Variants in HADHA observed in about 807,000 individuals in gnomAD.
HADHA encodes hydroxyacyl-CoA dehydrogenase trifunctional multienzyme complex subunit alpha.
HADHA carries 59 observed loss-of-function variants against 91.3 expected under a neutral mutation model. The observed-to-expected ratio is 0.65, with a 90% CI of 0.52 to 0.80. The LOEUF (loss-of-function observed/expected upper bound fraction) is 0.80. Ranked by LOEUF, HADHA falls within the 30% of genes least tolerant of loss-of-function variation. The pLI is 0.00. For synonymous variants in HADHA, 320 were observed against 338.9 expected (o/e 0.94, Z 0.61); for missense variants, 800 against 927.6 (o/e 0.86, Z 1.79).
At chr2:26,194,277 C>T (rs1669596764) in intron 16 of HADHA, among the ~76,000 whole-genome samples, 1 of 152,146 alleles carries the variant, frequency 6.6e-6, no homozygotes, top group South Asian at 2.1e-4. Flanking sequence ...TCTGGATGGT[C>T]CCTGCCTCAG....
Position 26,201,257 on chromosome 2 carries a change from G to C in HADHA, c.1284C>G (p.Asn428Lys). 3 of 1,611,950 alleles carry C rather than the reference G, an allele frequency of 1.9e-6. No individual in the cohort carries two copies. The highest frequency in any genetic ancestry group is 1.7e-6 in the Non-Finnish European group (2 of 1,178,000). The change falls in exon 13 of 20, where the codon AAC becomes AAG. Residue 428 changes from asparagine (N) to lysine (K), a missense_variant. Transcript: ENST00000380649. ...CTTGGTAATCAAGCTGCCCAGTCAAGTTGCTGAAGATGGAATCCCTTTCAA... is the reference window on the plus strand; with the variant it reads ...CTTGGTAATCAAGCTGCCCAGTCAACTTGCTGAAGATGGAATCCCTTTCAA... ...TSFERDSIFSNLTGQLDYQGF... is the reference protein window; with the variant it reads ...TSFERDSIFSKLTGQLDYQGF...
At chr2:26,212,829 A>G (rs907474211) in intron 9 of HADHA, among the ~76,000 whole-genome samples, 8 of 152,222 alleles carry the variant, frequency 5.3e-5, no homozygotes, top group Non-Finnish European at 1.2e-4. Context: ...TAAATCTAGC[A>G]TAACATGGCC....
In HADHA at chr2:26,191,213, G is replaced by C. The variant is rs188331111; in HGVS notation, c.*37C>G. ...GGAGAACCAGCACTGCCGGCAGCTG[G>C]GGTTAGTGCACTGACTGAGCGAGGC... On this transcript the variant is annotated 3_prime_UTR_variant, in exon 20 of 20. Coordinates refer to ENST00000380649, the MANE Select transcript of HADHA (RefSeq NM_000182.5). 33 of 1,602,872 alleles carry C rather than the reference G, an allele frequency of 2.1e-5. No individual in the cohort carries two copies. In the African/African-American group the frequency reaches 3.6e-4, roughly 18 times the overall value.
In HADHA at chr2:26,229,348, G is replaced by GCACACACACGCACACACA. The variant is rs1670560703; in HGVS notation, c.676+843_676+844insTGTGTGTGCGTGTGTGTG. ...GTGAGACCCCAACATGTGTGCGCGC[G>GCACACACACGCACACACA]CACACACACACACACACACACACAC... On this transcript the variant is annotated intron_variant, in intron 7 of 19. Coordinates refer to ENST00000380649, the MANE Select transcript of HADHA (RefSeq NM_000182.5). This position sits in a 1 kb window ranked among gnomAD's most constrained non-coding sequence, Gnocchi z 4.3. Among the ~76,000 whole-genome samples, 1 of 147,520 alleles carries GCACACACACGCACACACA rather than the reference G, an allele frequency of 6.8e-6. No individual in the cohort carries two copies. The highest frequency in any genetic ancestry group is 1.5e-5 in the Non-Finnish European group (1 of 67,104).
chr2:26,216,390 G>A (rs1203138574), intron 7 of HADHA, among the ~76,000 whole-genome samples: 2 of 135,220 alleles, frequency 1.5e-5, no homozygotes, highest in Non-Finnish European at 3.1e-5. Context: ...GTGTGATCTT[G>A]GCTCACTGCA....
chr2:26,209,050 T>C (rs1359477316), intron 11 of HADHA, among the ~76,000 whole-genome samples: 2 of 152,182 alleles, frequency 1.3e-5, no homozygotes, highest in Non-Finnish European at 2.9e-5. Context: ...CTACTGACAT[T>C]TCGAACTGGA....
At chr2:26,199,583 G>A (rs948203354) in intron 13 of HADHA, among the ~76,000 whole-genome samples, 1 of 152,152 alleles carries the variant, frequency 6.6e-6, no homozygotes, top group African/African-American at 2.4e-5. Flanking sequence ...TAGAAGTAGA[G>A]TCTGTTTCCC....
At chr2:26,196,053 T>C (rs1669662632) in intron 14 of HADHA, among the ~76,000 whole-genome samples, 1 of 152,256 alleles carries the variant, frequency 6.6e-6, no homozygotes, top group African/African-American at 2.4e-5. Context: ...TCTGTAATTT[T>C]TGGCTGCTCA....
At chr2:26,232,092 A>T in intron 6 of HADHA, 68 bp downstream of exon 6, 2 of 1,102,436 alleles carry the variant, frequency 1.8e-6, no homozygotes, top group Non-Finnish European at 2.8e-6. Flanking sequence ...TGCCCATATT[A>T]TGCATTTTAT....
At chr2:26,239,771 TG>T (rs1280450062) in intron 1 of HADHA, among the ~76,000 whole-genome samples, 12 of 150,852 alleles carry the variant, frequency 8.0e-5, no homozygotes, top group African/African-American at 2.9e-4. Context: ...AGAAGCAGAA[TG>T]GGGTGATTTC....
At chr2:26,195,292 T>C (rs1457904801) in intron 14 of HADHA, 60 bp from the exon 15 acceptor site, 8 of 1,388,918 alleles carry the variant, frequency 5.8e-6, no homozygotes, top group Non-Finnish European at 6.2e-6. Flanking sequence ...CCTGAGAGCA[T>C]TCCTTCTCTG....
At chr2:26,194,659 A>G (rs1669611773) in intron 15 of HADHA, 21 bp from the exon 16 acceptor site, 1 of 1,535,150 alleles carries the variant, frequency 6.5e-7, no homozygotes, top group East Asian at 2.2e-5. Context: ...AGAGAACATG[A>G]GCTCCCTGGC....
rs1558321632 is a variant in HADHA, at chr2:26,209,834, TG to T, written c.1030del (p.His344MetfsTer28). 1 of 1,608,438 alleles carries T rather than the reference TG, an allele frequency of 6.2e-7. No homozygotes were observed. Among genetic ancestry groups the T allele is most frequent in the South Asian group, 1.1e-5 (1 of 90,962 alleles). On this transcript the variant is annotated frameshift_variant, in exon 11 of 20. Coordinates refer to ENST00000380649, the MANE Select transcript of HADHA (RefSeq NM_000182.5). LOFTEE classifies it high-confidence loss of function. Reference protein sequence around the residue: ...KESKALMGLYHGQVLCKKNKF... With the variant: ...KESKALMGLYXGQVLCKKNKF... ...ATTCTTCTTGCACAGGACCTGACCA[TG>T]GTAGAGTCCCATCAAGGCCTTTGAT...
chr2:26,214,563 T>G lies in HADHA; in HGVS notation c.800-2A>C. ...TAGTCATGGCATACGCTGTCAATTC[T>G]GTAAAATAAAATGCTTTTAGATATT... On this transcript the variant is annotated splice_acceptor_variant, in intron 8 of 19. Transcript: ENST00000380649. LOFTEE classifies it high-confidence loss of function. The surrounding 1 kb of genome is among the most constrained non-coding windows in gnomAD (Gnocchi z 4.1). 6.7e-7 allele frequency: 1 copy of G among 1,486,320 alleles called. No homozygotes were observed. The allele number at this position is 1,486,320 out of a possible 1,614,324, so 92.1% of individuals were successfully genotyped here.
intron 1 of HADHA, 107 bp from the exon 2 acceptor site, chr2:26,239,250 A>C: frequency 3.7e-6 from 3 of 806,374 alleles, no homozygotes; most frequent in East Asian, 2.4e-5. Context: ...AAAACCCCAA[A>C]TCTGTACAAT....
At chr2:26,205,911 C>A (rs1323768452) in intron 11 of HADHA, among the ~76,000 whole-genome samples, 1 of 151,950 alleles carries the variant, frequency 6.6e-6, no homozygotes, top group Non-Finnish European at 1.5e-5. Context: ...ACTGGAAAAA[C>A]AGAACATGCA....
chr2:26,218,521 G>A (rs1054791183), intron 7 of HADHA, among the ~76,000 whole-genome samples: 1 of 151,888 alleles, frequency 6.6e-6, no homozygotes, highest in Non-Finnish European at 1.5e-5. Context: ...GTAACTATGT[G>A]GGCAACTATA....
At chr2:26,193,362 C>G (rs1669568473) in intron 17 of HADHA, among the ~76,000 whole-genome samples, 1 of 146,816 alleles carries the variant, frequency 6.8e-6, no homozygotes, top group African/African-American at 2.5e-5. Context: ...CTTCTGGGCT[C>G]AAGCGATCCT....
At chr2:26,228,233 T>A (rs1670530385) in intron 7 of HADHA, among the ~76,000 whole-genome samples, 1 of 151,806 alleles carries the variant, frequency 6.6e-6, no homozygotes, top group Non-Finnish European at 1.5e-5. Flanking sequence ...TGGGTTCAAG[T>A]GATTCTCCTA....
Sources: gnomAD v4.1 joint callset for allele counts (sites outside exome capture counted in the v4.1 genomes callset) on GRCh38, gnomAD v4.1.1 for gene constraint, Gnocchi (gnomAD v3.1) non-coding constraint, MANE v1.5 for transcripts, NCBI Gene and HGNC (gene_info 2026-07-23, HGNC 2026-07-21) for gene names.